ELSPBP1: variants seen among roughly 807,000 people sequenced by gnomAD.
The protein encoded by ELSPBP1 is epididymal sperm binding protein 1, also known as epididymal sperm-binding protein 1.
A neutral mutation model predicts 33.3 loss-of-function variants in ELSPBP1; 38 were observed. The observed-to-expected ratio is 1.14, with a 90% CI of 0.88 to 1.50. The LOEUF (loss-of-function observed/expected upper bound fraction) is 1.50, where lower values mean the gene tolerates loss of function less well. Ranked by LOEUF, ELSPBP1 falls within the 40% of genes most tolerant of loss-of-function variation. The pLI, the probability that ELSPBP1 is intolerant of heterozygous loss-of-function variation, is 0.00. For synonymous variants in ELSPBP1, 85 were observed against 94.1 expected (o/e 0.90, Z 0.56); for missense variants, 267 against 263.5 (o/e 1.01, Z -0.09).
chr19:48,010,585 T>C (rs1417960239), intron 2 of ELSPBP1, among the ~76,000 whole-genome samples: 1 of 152,212 alleles, frequency 6.6e-6, no homozygotes, highest in Non-Finnish European at 1.5e-5. Flanking sequence ...AGATTGACTC[T>C]GAGTATTATA....
intron 2 of ELSPBP1, among the ~76,000 whole-genome samples, chr19:48,009,066 G>A (rs905592434): frequency 1.3e-5 from 2 of 151,098 alleles, no homozygotes; most frequent in Admixed American, 6.6e-5. Flanking sequence ...AACCCAGGAG[G>A]TGGAGGTTGC....
chr19:48,015,875 G>C lies in ELSPBP1; in HGVS notation c.209-18G>C, dbSNP rs757694076. 1 of 1,591,212 alleles carries C rather than the reference G, an allele frequency of 6.3e-7. No homozygotes were observed. The highest frequency in any genetic ancestry group is 1.7e-5 in the Admixed American group (1 of 59,550). ...GACTAGAGGAAGTTAAGACACTCAC[G>C]AACTCTGTTCCTAACAGATTACCCA... On this transcript the variant is annotated intron_variant, in intron 3 of 6. Coordinates refer to ENST00000339841, the MANE Select transcript of ELSPBP1 (RefSeq NM_022142.5).
chr19:48,011,384 G>A lies in ELSPBP1; in HGVS notation c.70+2647G>A, dbSNP rs541630658. ...TGATGATGATGGTGACAATGATGAT[G>A]ACGATGATAATGATGATGTCAATAA... is the stretch of plus-strand genomic sequence containing the variant. On this transcript the variant is annotated intron_variant, in intron 2 of 6. Coordinates refer to ENST00000339841, the MANE Select transcript of ELSPBP1 (RefSeq NM_022142.5). The surrounding 1 kb of genome is among the most constrained non-coding windows in gnomAD (Gnocchi z 4.5). Among the ~76,000 whole-genome samples the A allele has an allele frequency of 1.3e-3, 200 of 151,564 alleles. No individual in the cohort carries two copies. The highest frequency in any genetic ancestry group is 2.4e-3 in the Non-Finnish European group (163 of 67,868).
In ELSPBP1 at chr19:48,022,273, G is replaced by A. The variant is rs770278847; in HGVS notation, c.618G>A (p.Val206=). ...CTNEGSKENL[V]WCATSYNYDQ... ...ACGAAGGATCAAAGGAGAACCTTGT[G>A]TGGTGTGCAACTTCTTACAACTACG... is the stretch of plus-strand genomic sequence containing the variant. Residue 206 remains valine, a synonymous_variant, in exon 6 of 7, where the codon GTG becomes GTA. Coordinates refer to ENST00000339841, the MANE Select transcript of ELSPBP1 (RefSeq NM_022142.5). 4 of 1,613,774 alleles carry A rather than the reference G, an allele frequency of 2.5e-6. No individual in the cohort carries two copies. The highest frequency in any genetic ancestry group is 3.4e-6 in the Non-Finnish European group (4 of 1,179,848).
At chr19:48,009,136 C>CAAAA (rs59636614) in intron 2 of ELSPBP1, among the ~76,000 whole-genome samples, 53 of 136,386 alleles carry the variant, frequency 3.9e-4, no homozygotes, top group South Asian at 1.2e-3. Flanking sequence ...AACTCCCTCT[C>CAAAA]AAAAAAAAAA....
At position 48,022,317 on chromosome 19, in the gene ELSPBP1, T is replaced by C. The variant is rs1029204716; in HGVS notation, c.662T>C (p.Val221Ala). The change falls in exon 6 of 7, where the codon GTG (valine) becomes GCG (alanine). Residue 221 changes from valine to alanine, a missense_variant. Transcript: ENST00000339841. ...AACTACGACCAAGACCACACCTGGG[T>C]GTATTGCTGATGCTGAGGTGAGAGC... ...SYNYDQDHTW[V>A]YC The C allele has an allele frequency of 2.5e-6, 4 of 1,610,824 alleles. No homozygotes were observed. Among genetic ancestry groups the C allele is most frequent in the Admixed American group, 3.4e-5 (2 of 59,570 alleles).
intron 1 of ELSPBP1, among the ~76,000 whole-genome samples, chr19:48,000,682 C>T (rs1966958769): frequency 1.3e-5 from 2 of 152,188 alleles, no homozygotes; most frequent in Admixed American, 1.3e-4. Context: ...TTACGTATTT[C>T]TCCATTGTGG....
Position 48,011,625 on chromosome 19 carries a change from A to T in ELSPBP1, c.71-2546A>T, listed in dbSNP as rs1967080657. The stretch of plus-strand genomic sequence containing the variant: ...GATTATGATGACAATGATGATGACA[A>T]CGATGATGATGATCATCATCCTGAT... On this transcript the variant is annotated intron_variant, in intron 2 of 6. Transcript: ENST00000339841. The surrounding 1 kb of genome is among the most constrained non-coding windows in gnomAD (Gnocchi z 4.5). Among the ~76,000 whole-genome samples, 1 of 151,902 alleles carries T rather than the reference A, an allele frequency of 6.6e-6. No homozygotes were observed. Among genetic ancestry groups the T allele is most frequent in the South Asian group, 2.1e-4 (1 of 4,806 alleles).
In ELSPBP1 at chr19:48,008,705, C is replaced by A. The variant is rs1967047655; in HGVS notation, c.38C>A (p.Thr13Asn). Residue 13 changes from threonine to asparagine, a missense_variant, in exon 2 of 7, where the codon ACC (threonine) becomes AAC (asparagine). Physicochemically the swap from Thr to Asn is moderately conservative, Grantham distance 65 (BLOSUM62 0). Coordinates refer to ENST00000339841, the MANE Select transcript of ELSPBP1 (RefSeq NM_022142.5). The part of the protein sequence containing the change: ...RWSSYLLGWT[T>N]FLLYSYESSG... ...TCCAGTTACCTGTTGGGATGGACAA[C>A]CTTCCTTCTCTATTCCTATGAGTCA... 2 of 1,613,836 alleles carry A rather than the reference C, an allele frequency of 1.2e-6. No homozygotes were observed. Among genetic ancestry groups the A allele is most frequent in the African/African-American group, 2.7e-5 (2 of 74,976 alleles).
intron 4 of ELSPBP1, among the ~76,000 whole-genome samples, chr19:48,016,527 T>TCTTCCTTCCTTCCTTC (rs1292111942): frequency 4.0e-5 from 2 of 50,480 alleles, no homozygotes; most frequent in African/African-American, 1.3e-4. Flanking sequence ...TTTCTTTCTT[T>TCTTCCTTCCTTCCTTC]CTTCCTTCCT....
At chr19:48,017,318 C>T (rs1421262772) in intron 4 of ELSPBP1, among the ~76,000 whole-genome samples, 1 of 152,154 alleles carries the variant, frequency 6.6e-6, no homozygotes, top group Non-Finnish European at 1.5e-5. Flanking sequence ...TCCATCTAAA[C>T]CTTAATTTTA....
intron 3 of ELSPBP1, 100 bp downstream of exon 3, chr19:48,014,408 A>T: frequency 1.5e-6 from 2 of 1,366,922 alleles, no homozygotes; most frequent in Non-Finnish European, 2.0e-6. Flanking sequence ...TTTTGCAGAC[A>T]AACGGTAATA....
At chr19:48,007,341 G>A (rs1384930706) in intron 1 of ELSPBP1, among the ~76,000 whole-genome samples, 1 of 152,076 alleles carries the variant, frequency 6.6e-6, no homozygotes, top group African/African-American at 2.4e-5. Flanking sequence ...GTGGTCCTTT[G>A]GTAAGTTACT....
chr19:48,010,186 T>C (rs1035053712), intron 2 of ELSPBP1, among the ~76,000 whole-genome samples: 3 of 152,222 alleles, frequency 2.0e-5, no homozygotes, highest in Non-Finnish European at 2.9e-5. Context: ...CATATGAATA[T>C]TCTCCTAGAG....
intron 1 of ELSPBP1, among the ~76,000 whole-genome samples, chr19:48,004,134 A>T (rs1966994568): frequency 6.7e-6 from 1 of 149,344 alleles, no homozygotes; most frequent in Non-Finnish European, 1.5e-5. Context: ...AGTAGAGATG[A>T]GGTTTTACCA....
At chr19:48,020,481 G>C (rs1244830187) in intron 5 of ELSPBP1, among the ~76,000 whole-genome samples, 1 of 152,196 alleles carries the variant, frequency 6.6e-6, no homozygotes, top group Non-Finnish European at 1.5e-5. Flanking sequence ...TGTGTGTTGG[G>C]AGACTCAGAC....
intron 2 of ELSPBP1, among the ~76,000 whole-genome samples, chr19:48,012,414 G>C (rs1600107440): frequency 1.3e-5 from 2 of 151,978 alleles, no homozygotes; most frequent in South Asian, 4.1e-4. Context: ...CATTGTGCCT[G>C]GCCGAGAACA....
At chr19:48,004,658 C>T (rs1274450404) in intron 1 of ELSPBP1, among the ~76,000 whole-genome samples, 2 of 152,322 alleles carry the variant, frequency 1.3e-5, no homozygotes, top group South Asian at 4.2e-4. Flanking sequence ...CCTCACCTCT[C>T]AATCAAAAGT....
At position 48,008,682 on chromosome 19, in the gene ELSPBP1, C is replaced by T; in HGVS notation, c.15C>T (p.Ser5=). 1 of 1,613,816 alleles carries T rather than the reference C, an allele frequency of 6.2e-7. No homozygotes were observed. The highest frequency in any genetic ancestry group is 1.7e-5 in the Admixed American group (1 of 59,980). ...GGGCAGCCAAGATGACCCGATGGTCCAGTTACCTGTTGGGATGGACAACCT... is the reference window on the plus strand; with the variant it reads ...GGGCAGCCAAGATGACCCGATGGTCTAGTTACCTGTTGGGATGGACAACCT... The part of the protein sequence containing the change: MTRW[S]SYLLGWTTFL... Residue 5 remains serine (S), a synonymous_variant, in exon 2 of 7, where the codon TCC becomes TCT. Coordinates refer to ENST00000339841, the MANE Select transcript of ELSPBP1 (RefSeq NM_022142.5).
Sources: allele counts gnomAD v4.1 joint callset (sites outside exome capture counted in the v4.1 genomes callset), GRCh38; gene constraint gnomAD v4.1.1; non-coding constraint Gnocchi (gnomAD v3.1); transcripts MANE v1.5; gene names NCBI Gene and HGNC (gene_info 2026-07-23, HGNC 2026-07-21).